Variants in UNC13C observed in about 807,000 individuals in gnomAD.
UNC13C encodes unc-13 homolog C, also known as protein unc-13 homolog C.
In UNC13C, 174 loss-of-function variants were observed where a neutral mutation model predicts 245.4. The observed-to-expected ratio is 0.71, with a 90% CI of 0.63 to 0.80. UNC13C has a LOEUF of 0.80. Ranked by LOEUF, UNC13C falls within the 30% of genes least tolerant of loss-of-function variation. The pLI is 0.00. For synonymous variants in UNC13C, 992 were observed against 895.1 expected (o/e 1.11, Z -1.93); for missense variants, 2,829 against 2,602.9 (o/e 1.09, Z -1.89).
chr15:54,407,846 A>G (rs942970984), intron 18 of UNC13C, among the ~76,000 whole-genome samples: 2 of 152,126 alleles, frequency 1.3e-5, no homozygotes, highest in South Asian at 4.1e-4. Flanking sequence ...AATACCAACA[A>G]AAAAGAAAGA....
At chr15:54,372,670 G>A (rs1486457951) in intron 17 of UNC13C, among the ~76,000 whole-genome samples, 1 of 152,112 alleles carries the variant, frequency 6.6e-6, no homozygotes, top group Non-Finnish European at 1.5e-5. Context: ...TTATGTGTTT[G>A]GTATTCATTC....
At chr15:54,022,158 A>G (rs374797061) in intron 2 of UNC13C, among the ~76,000 whole-genome samples, 9 of 152,336 alleles carry the variant, frequency 5.9e-5, no homozygotes, top group African/African-American at 1.2e-4. Context: ...AGGAACCTCC[A>G]TAGTATTTTC....
chr15:54,559,331 GCA>G (rs1897209000), intron 29 of UNC13C, among the ~76,000 whole-genome samples: 1 of 151,930 alleles, frequency 6.6e-6, no homozygotes, highest in Non-Finnish European at 1.5e-5. Context: ...TCTTACCCTC[GCA>G]GAGGTTCTGC....
the UNC13C span, among the ~76,000 whole-genome samples, chr15:53,930,833 A>G: frequency 6.6e-6 from 1 of 152,210 alleles, no homozygotes; most frequent in Non-Finnish European, 1.5e-5. Context: ...CATGCATTTT[A>G]GTACTGAGAT....
intron 1 of UNC13C, among the ~76,000 whole-genome samples, chr15:53,996,232 A>G (rs979484762): frequency 6.6e-6 from 1 of 152,158 alleles, no homozygotes. Flanking sequence ...TTGAATACTT[A>G]TTGTAATTTT....
At chr15:54,435,857 A>T (rs1035072071) in intron 19 of UNC13C, among the ~76,000 whole-genome samples, 16 of 151,980 alleles carry the variant, frequency 1.1e-4, no homozygotes, top group Admixed American at 9.8e-4. Context: ...TCCAGAATCT[A>T]CAAGGAACTT....
chr15:54,206,317 A>G (rs2034706476), intron 4 of UNC13C, among the ~76,000 whole-genome samples: 1 of 151,978 alleles, frequency 6.6e-6, no homozygotes, highest in Admixed American at 6.6e-5. Flanking sequence ...TCCTCCAATC[A>G]AGTCAAGTGA....
intron 4 of UNC13C, among the ~76,000 whole-genome samples, chr15:54,149,086 GTT>G (rs1438285283): frequency 2.0e-5 from 3 of 152,094 alleles, no homozygotes; most frequent in Admixed American, 6.6e-5. Context: ...CTTTAAAAGT[GTT>G]TGGCAATTCC....
chr15:54,336,192 A>G (rs984698818), intron 16 of UNC13C, among the ~76,000 whole-genome samples: 27 of 151,988 alleles, frequency 1.8e-4, no homozygotes, highest in African/African-American at 6.3e-4. Flanking sequence ...GTATGTATTT[A>G]TTGTGTACAA....
chr15:53,936,094 G>C, the UNC13C span, among the ~76,000 whole-genome samples: 1 of 152,314 alleles, frequency 6.6e-6, no homozygotes, highest in East Asian at 1.9e-4. Context: ...AATTCCAGCT[G>C]TTTAGGAGCA....
intron 2 of UNC13C, among the ~76,000 whole-genome samples, chr15:54,055,530 A>G (rs934952893): frequency 6.6e-6 from 1 of 152,196 alleles, no homozygotes; most frequent in Non-Finnish European, 1.5e-5. Context: ...CAGCTGATCA[A>G]CTGAGGGATT....
chr15:54,586,099 A>T (rs764210104), intron 30 of UNC13C, among the ~76,000 whole-genome samples: 7 of 152,204 alleles, frequency 4.6e-5, no homozygotes, highest in Non-Finnish European at 1.0e-4. Context: ...CTGGTCTTTG[A>T]GAACAGTATC....
intron 10 of UNC13C, among the ~76,000 whole-genome samples, chr15:54,277,883 G>A (rs1050816427): frequency 7.2e-5 from 11 of 152,144 alleles, no homozygotes; most frequent in Non-Finnish European, 1.6e-4. Flanking sequence ...GGGAAATTAA[G>A]TAGCTGATAA....
upstream of UNC13C, among the ~76,000 whole-genome samples, chr15:53,973,713 A>C (rs977769223): frequency 6.6e-6 from 1 of 152,194 alleles, no homozygotes; most frequent in Non-Finnish European, 1.5e-5. Context: ...TACAGTGCTG[A>C]CACATTTTTA....
At chr15:54,275,220 C>T (rs1359599491) in intron 10 of UNC13C, among the ~76,000 whole-genome samples, 1 of 152,170 alleles carries the variant, frequency 6.6e-6, no homozygotes, top group African/African-American at 2.4e-5. Flanking sequence ...AATAGTTATA[C>T]TACTCGTAGG....
chr15:54,548,918 C>G (rs1394205743), intron 27 of UNC13C, among the ~76,000 whole-genome samples: 1 of 152,144 alleles, frequency 6.6e-6, no homozygotes, highest in Non-Finnish European at 1.5e-5. Context: ...TCACTATTCT[C>G]AAACTTATAG....
At chr15:53,947,722 A>G in the UNC13C span, 1 of 152,288 alleles carries the variant, frequency 6.6e-6, no homozygotes, top group Non-Finnish European at 1.5e-5. Flanking sequence ...GCTCTCATTG[A>G]ATTTCTACTG....
chr15:54,230,574 A>G (rs1646958888), intron 4 of UNC13C, among the ~76,000 whole-genome samples: 1 of 152,048 alleles, frequency 6.6e-6, no homozygotes, highest in African/African-American at 2.4e-5. Context: ...TCTATTTTGC[A>G]TTTATTTTAT....
upstream of UNC13C, among the ~76,000 whole-genome samples, chr15:53,973,856 A>T (rs1451030544): frequency 1.3e-5 from 2 of 152,182 alleles, no homozygotes; most frequent in Admixed American, 1.3e-4. Context: ...ATTCTAAAAA[A>T]GTGTCTGCTT....
Sources: allele counts gnomAD v4.1 joint callset (sites outside exome capture counted in the v4.1 genomes callset), GRCh38; gene constraint gnomAD v4.1.1; transcripts MANE v1.5; gene names NCBI Gene and HGNC (gene_info 2026-07-23, HGNC 2026-07-21).